ANO4: variants seen among roughly 807,000 people sequenced by gnomAD.
ANO4 encodes anoctamin-4.
Under a neutral mutation model 141.9 loss-of-function variants are expected in ANO4, and 69 were observed. The observed-to-expected ratio is 0.49, with a 90% CI of 0.40 to 0.59. The LOEUF is 0.59. Among genes scored for constraint, ANO4 ranks in the 20% least tolerant of loss-of-function variants. The pLI, the probability that ANO4 is intolerant of heterozygous loss-of-function variation, is 0.00. For missense variants in ANO4, 894 were observed against 1,162.2 expected (o/e 0.77, Z 3.36); for synonymous variants, 350 against 394.3 (o/e 0.89, Z 1.33).
intron 14 of ANO4, among the ~76,000 whole-genome samples, chr12:101,073,003 A>G (rs576638897): frequency 6.6e-6 from 1 of 152,332 alleles, no homozygotes; most frequent in Admixed American, 6.5e-5. Context: ...AAACCATTTC[A>G]ACCATTGTAG....
chr12:101,126,903 C>T lies in ANO4; in HGVS notation c.2701C>T (p.Leu901Phe), dbSNP rs1275996559. ...GCACCTCGTGTTTTGTATAAAGCAC[C>T]TCATTTCATATCTGATCCCAGACCT... ...FEHLVFCIKH[L>F]ISYLIPDLPK... Residue 901 changes from leucine (L) to phenylalanine (F), a missense_variant, in exon 27 of 28, where the codon CTC (leucine) becomes TTC (phenylalanine). Transcript: ENST00000392977. 1 of 1,614,084 alleles carries T rather than the reference C, an allele frequency of 6.2e-7. No homozygotes were observed. The highest frequency in any genetic ancestry group is 8.5e-7 in the Non-Finnish European group (1 of 1,180,000).
chr12:100,731,089 G>A (rs2031361668), intron 1 of ANO4, among the ~76,000 whole-genome samples: 1 of 152,146 alleles, frequency 6.6e-6, no homozygotes, highest in Non-Finnish European at 1.5e-5. Context: ...AATCCACATT[G>A]TGTTCCCATT....
At chr12:100,802,792 A>T (rs904527853) in intron 1 of ANO4, among the ~76,000 whole-genome samples, 2 of 152,172 alleles carry the variant, frequency 1.3e-5, no homozygotes, top group Non-Finnish European at 2.9e-5. Flanking sequence ...GGAGGGAAAA[A>T]AAATGAAGAA....
In ANO4 at chr12:100,799,914, G is replaced by A. The variant is rs530474158; in HGVS notation, c.-141+4887G>A. Among the ~76,000 whole-genome samples the A allele has an allele frequency of 1.6e-4, 24 of 152,184 alleles. 2 individuals carry two copies. The highest frequency in any genetic ancestry group is 5.8e-4 in the African/African-American group (24 of 41,546). Reference sequence around the variant, plus strand: ...AACCCTGCTCCATTCCCAGTGTGGGGCCCCTTCCATGATACACAGCTGACA... The same window carrying A: ...AACCCTGCTCCATTCCCAGTGTGGGACCCCTTCCATGATACACAGCTGACA... On this transcript the variant is annotated intron_variant, in intron 1 of 27. Transcript: ENST00000392977.
intron 3 of ANO4, among the ~76,000 whole-genome samples, chr12:100,933,560 A>G (rs1366254363): frequency 1.3e-5 from 2 of 152,230 alleles, no homozygotes; most frequent in Non-Finnish European, 1.5e-5. Flanking sequence ...TGCTATTGCA[A>G]ATAGTGCCAC....
In ANO4 at chr12:100,809,527, C is replaced by T. The variant is rs150937611; in HGVS notation, c.-141+14500C>T. Among the ~76,000 whole-genome samples, 564 of 152,244 alleles carry T rather than the reference C, an allele frequency of 3.7e-3. 9 individuals are homozygous for T. Among genetic ancestry groups the T allele is most frequent in the East Asian group, 0.031 (160 of 5,164 alleles). On this transcript the variant is annotated intron_variant, in intron 1 of 27. Transcript: ENST00000392977. Reference sequence around the variant, plus strand: ...AACCAGCATCTGAACTGAGACCATTCGGATGAGTTGCTGCCAGGTGGGCAG... The same window carrying T: ...AACCAGCATCTGAACTGAGACCATTTGGATGAGTTGCTGCCAGGTGGGCAG...
chr12:100,768,290 G>C (rs1343241792), intron 3 of ANO4, among the ~76,000 whole-genome samples: 1 of 152,216 alleles, frequency 6.6e-6, no homozygotes, highest in East Asian at 1.9e-4. Flanking sequence ...TGTGCTGGCT[G>C]GGCTTGGGAG....
chr12:100,843,641 T>C (rs1159336379), intron 1 of ANO4, among the ~76,000 whole-genome samples: 1 of 152,194 alleles, frequency 6.6e-6, no homozygotes, highest in Non-Finnish European at 1.5e-5. Flanking sequence ...AAAATCCTGT[T>C]ATTGTTAGGA....
intron 7 of ANO4, 136 bp from the exon 8 acceptor site, chr12:100,987,403 C>CCTTGT: frequency 9.1e-7 from 1 of 1,103,092 alleles, no homozygotes; most frequent in East Asian, 2.4e-5. Context: ...ATCTATAAAA[C>CCTTGT]AAGGATATCC....
intron 8 of ANO4, among the ~76,000 whole-genome samples, chr12:100,997,100 C>T (rs2045414442): frequency 6.6e-6 from 1 of 152,048 alleles, no homozygotes; most frequent in Admixed American, 6.5e-5. Context: ...CTTTGGGAGG[C>T]CGAGGCAGGC....
chr12:100,841,536 A>G (rs1024822730), intron 1 of ANO4, among the ~76,000 whole-genome samples: 2 of 152,156 alleles, frequency 1.3e-5, no homozygotes, highest in East Asian at 1.9e-4. Context: ...AATAATGAAT[A>G]GGGGGTTGCA....
intron 27 of ANO4, among the ~76,000 whole-genome samples, chr12:101,127,402 C>G (rs2051366137): frequency 6.6e-6 from 1 of 151,978 alleles, no homozygotes; most frequent in African/African-American, 2.4e-5. Context: ...CTTTAATATC[C>G]CCAGGGAAAC....
At chr12:101,090,464 T>G (rs1465275966) in intron 17 of ANO4, among the ~76,000 whole-genome samples, 2 of 152,142 alleles carry the variant, frequency 1.3e-5, no homozygotes, top group African/African-American at 4.8e-5. Flanking sequence ...TGGATGAAGC[T>G]GGAAACCATC....
rs564387905 is a variant in ANO4 at position 100,933,167 on chromosome 12, C to T, written c.161-6148C>T. Among the ~76,000 whole-genome samples the T allele has an allele frequency of 1.3e-4, 19 of 151,338 alleles. 1 individual carries two copies. Among genetic ancestry groups the T allele is most frequent in the East Asian group, 3.9e-4 (2 of 5,140 alleles). On this transcript the variant is annotated intron_variant, in intron 3 of 27. Transcript: ENST00000392977. ...TAAGTTCTAGGGTACATGTGTACAA[C>T]GTGCAGGTTTGATACATAGGTATAC... is the stretch of plus-strand genomic sequence containing the variant.
intron 1 of ANO4, among the ~76,000 whole-genome samples, chr12:100,877,239 T>C (rs563025475): frequency 1.4e-4 from 21 of 152,018 alleles, no homozygotes; most frequent in African/African-American, 5.1e-4. Context: ...TAATATATGG[T>C]ATATTTGAAA....
intron 5 of ANO4, among the ~76,000 whole-genome samples, chr12:100,953,467 G>A (rs1348332446): frequency 6.6e-6 from 1 of 152,186 alleles, no homozygotes; most frequent in African/African-American, 2.4e-5. Flanking sequence ...TGAGGCAAGG[G>A]CCCTGGCTTA....
At chr12:101,017,948 T>C (rs918942126) in intron 8 of ANO4, among the ~76,000 whole-genome samples, 1 of 152,230 alleles carries the variant, frequency 6.6e-6, no homozygotes, top group Non-Finnish European at 1.5e-5. Flanking sequence ...TCTGTGGTGC[T>C]TATTATAGAG....
intron 1 of ANO4, among the ~76,000 whole-genome samples, chr12:100,857,301 A>G (rs568071958): frequency 6.6e-6 from 1 of 152,300 alleles, no homozygotes; most frequent in South Asian, 2.1e-4. Flanking sequence ...CAGACAAAGC[A>G]GAATCAGATA....
intron 3 of ANO4, among the ~76,000 whole-genome samples, chr12:100,742,278 A>C (rs1332650173): frequency 6.6e-6 from 1 of 152,104 alleles, no homozygotes; most frequent in African/African-American, 2.4e-5. Context: ...TATTACATTT[A>C]TTTGATTTTT....
Sources: allele counts gnomAD v4.1 joint callset (sites outside exome capture counted in the v4.1 genomes callset), GRCh38; gene constraint gnomAD v4.1.1; transcripts MANE v1.5; gene names NCBI Gene and HGNC (gene_info 2026-07-23, HGNC 2026-07-21).